The following CTNNA2 variants were observed in gnomAD, a reference collection of about 807,000 sequenced individuals.
The protein encoded by CTNNA2 is catenin alpha-2.
A neutral mutation model predicts 101.0 loss-of-function variants in CTNNA2; 42 were observed. The observed-to-expected ratio is 0.42, with a 90% CI of 0.32 to 0.54. The LOEUF is 0.54. CTNNA2 is among the 20% of genes least tolerant of loss of function. The pLI is 0.14. For missense variants in CTNNA2, 871 were observed against 1,223.1 expected, an observed-to-expected ratio of 0.71 and a Z score of 4.29; for synonymous variants, 450 against 456.4, an observed-to-expected ratio of 0.99 and a Z score of 0.18.
chr2:79,479,755 T>C (rs913850691), intron 4 of CTNNA2, among the ~76,000 whole-genome samples: 1 of 151,978 alleles, frequency 6.6e-6, no homozygotes, highest in African/African-American at 2.4e-5. Context: ...AAACTCCATC[T>C]CCACTAAAAA....
At position 79,382,082 on chromosome 2, in the gene CTNNA2, C is replaced by T. The variant is rs139060939; in HGVS notation, c.-135+8069C>T. On this transcript the variant is annotated intron_variant, in intron 4 of 21. Transcript: ENST00000466387. ...CATTACCCTCACTAGTGGGGGTAGGCATCATCCAATCTATTGAGGGCCCAA... is the reference window on the plus strand; with the variant it reads ...CATTACCCTCACTAGTGGGGGTAGGTATCATCCAATCTATTGAGGGCCCAA... Among the ~76,000 whole-genome samples, 1,211 of 152,148 alleles carry T rather than the reference C, an allele frequency of 8.0e-3. 9 individuals carry two copies. Among genetic ancestry groups the T allele is most frequent in the Non-Finnish European group, 0.012 (845 of 68,000 alleles).
At chr2:79,488,846 A>G (rs1671182548) in intron 4 of CTNNA2, among the ~76,000 whole-genome samples, 1 of 152,178 alleles carries the variant, frequency 6.6e-6, no homozygotes, top group African/African-American at 2.4e-5. Context: ...TTTTGGGCCT[A>G]CATTTCCAAA....
At chr2:79,838,198 G>T (rs769496478) in intron 3 of CTNNA2, among the ~76,000 whole-genome samples, 25 of 152,104 alleles carry the variant, frequency 1.6e-4, no homozygotes, top group Non-Finnish European at 3.1e-4. Context: ...GTCTTTCATT[G>T]AGGATTTAAT....
intron 9 of CTNNA2, among the ~76,000 whole-genome samples, chr2:80,452,824 A>G (rs1283063331): frequency 6.8e-6 from 1 of 147,530 alleles, no homozygotes; most frequent in East Asian, 1.9e-4. Context: ...TCCCTGCAGT[A>G]TGATAAGATC....
intron 7 of CTNNA2, among the ~76,000 whole-genome samples, chr2:80,053,340 G>T (rs987850994): frequency 6.6e-6 from 1 of 152,102 alleles, no homozygotes; most frequent in Non-Finnish European, 1.5e-5. Flanking sequence ...TGAAAATGCC[G>T]GTAAATAATG....
At chr2:79,260,449 A>C (rs901324223) in intron 2 of CTNNA2, among the ~76,000 whole-genome samples, 1 of 152,116 alleles carries the variant, frequency 6.6e-6, no homozygotes, top group African/African-American at 2.4e-5. Flanking sequence ...TTTTCTGTCT[A>C]CCTTACGTTT....
At chr2:80,442,808 C>T (rs567764493) in intron 9 of CTNNA2, among the ~76,000 whole-genome samples, 11 of 152,340 alleles carry the variant, frequency 7.2e-5, no homozygotes, top group African/African-American at 1.4e-4. Context: ...TAGACTAAGG[C>T]TCCCATCATT....
chr2:79,561,484 AG>A (rs1674778449), intron 1 of CTNNA2, among the ~76,000 whole-genome samples: 1 of 151,904 alleles, frequency 6.6e-6, no homozygotes, highest in Admixed American at 6.6e-5. Context: ...GGTAACGCTA[AG>A]TTCAATTTTT....
At chr2:79,984,761 G>A (rs1691643259) in intron 7 of CTNNA2, among the ~76,000 whole-genome samples, 1 of 152,060 alleles carries the variant, frequency 6.6e-6, no homozygotes, top group Non-Finnish European at 1.5e-5. Flanking sequence ...CCATCCTTCT[G>A]CCTCCTACCT....
chr2:79,552,716 G>A (rs929438440), intron 1 of CTNNA2, among the ~76,000 whole-genome samples: 1 of 147,438 alleles, frequency 6.8e-6, no homozygotes, highest in Non-Finnish European at 1.5e-5. Flanking sequence ...AAAGCTTTTG[G>A]CTTGCACCCT....
At chr2:79,548,294 C>G (rs1361939978) in intron 1 of CTNNA2, among the ~76,000 whole-genome samples, 1 of 152,166 alleles carries the variant, frequency 6.6e-6, no homozygotes, top group African/African-American at 2.4e-5. Context: ...CACAGACTCT[C>G]CTAAGCACTT....
At chr2:80,514,449 G>A (rs575066795) in intron 9 of CTNNA2, among the ~76,000 whole-genome samples, 2 of 152,166 alleles carry the variant, frequency 1.3e-5, no homozygotes, top group African/African-American at 2.4e-5. Flanking sequence ...TTCTACCAAT[G>A]AGTGCAAACG....
intron 2 of CTNNA2, among the ~76,000 whole-genome samples, chr2:79,241,975 C>G (rs1003661279): frequency 3.3e-5 from 5 of 151,790 alleles, no homozygotes; most frequent in East Asian, 1.9e-4. Flanking sequence ...GCGCGATCTC[C>G]GCTCACTGCA....
chr2:80,263,298 G>A (rs1672757093), intron 7 of CTNNA2, among the ~76,000 whole-genome samples: 1 of 152,196 alleles, frequency 6.6e-6, no homozygotes, highest in Non-Finnish European at 1.5e-5. Flanking sequence ...CTGAGGACTA[G>A]AGAGGTGAAG....
At chr2:79,917,474 C>T (rs1322889451) in intron 7 of CTNNA2, among the ~76,000 whole-genome samples, 3 of 152,174 alleles carry the variant, frequency 2.0e-5, no homozygotes, top group Non-Finnish European at 4.4e-5. Flanking sequence ...ATCTACTCCT[C>T]AAAAGAAATA....
chr2:79,407,974 C>A (rs1325454096), intron 4 of CTNNA2, among the ~76,000 whole-genome samples: 1 of 152,040 alleles, frequency 6.6e-6, no homozygotes, highest in Non-Finnish European at 1.5e-5. Flanking sequence ...TCTTTCTGCT[C>A]TAACTCCTGA....
At chr2:79,255,114 C>A (rs190831535) in intron 2 of CTNNA2, among the ~76,000 whole-genome samples, 122 of 152,254 alleles carry the variant, frequency 8.0e-4, no homozygotes, top group Middle Eastern at 3.4e-3. Context: ...ATTATATGGC[C>A]TCAAATTTTC....
intron 7 of CTNNA2, among the ~76,000 whole-genome samples, chr2:80,332,990 G>A (rs1414363474): frequency 6.6e-6 from 1 of 152,120 alleles, no homozygotes; most frequent in Non-Finnish European, 1.5e-5. Flanking sequence ...TCAGATTTTA[G>A]TATCCATACA....
intron 4 of CTNNA2, among the ~76,000 whole-genome samples, chr2:79,430,041 G>A (rs903871872): frequency 6.6e-6 from 1 of 152,034 alleles, no homozygotes. Context: ...GTCTGATTTT[G>A]CACCAAAGGA....
Sources: allele counts gnomAD v4.1 joint callset (sites outside exome capture counted in the v4.1 genomes callset), GRCh38; gene constraint gnomAD v4.1.1; transcripts MANE v1.5; gene names NCBI Gene and HGNC (gene_info 2026-07-23, HGNC 2026-07-21).